Variants in CPN1 observed in about 807,000 individuals in gnomAD.
CPN1 encodes carboxypeptidase N subunit 1.
Under a neutral mutation model 46.4 loss-of-function variants are expected in CPN1, and 37 were observed. The observed-to-expected ratio is 0.80, with a 90% CI of 0.61 to 1.05. CPN1 has a LOEUF of 1.05. CPN1 is among the 50% of genes least tolerant of loss of function. CPN1 has a pLI of 0.00. For synonymous variants in CPN1, 224 were observed against 235.4 expected (o/e 0.95, Z 0.44); for missense variants, 563 against 602.6 (o/e 0.93, Z 0.69).
At chr10:100,067,634 T>C (rs1278891420) in intron 3 of CPN1, among the ~76,000 whole-genome samples, 10 of 152,216 alleles carry the variant, frequency 6.6e-5, no homozygotes, top group Admixed American at 6.5e-4. Context: ...TTTCAAACTA[T>C]CCCACACAGC....
intron 3 of CPN1, among the ~76,000 whole-genome samples, chr10:100,067,769 G>T (rs2041462426): frequency 6.6e-6 from 1 of 152,162 alleles, no homozygotes; most frequent in Non-Finnish European, 1.5e-5. Flanking sequence ...GGAGAGTGAG[G>T]CCTAGGAATA....
chr10:100,053,639 A>G (rs1302703129), intron 7 of CPN1, among the ~76,000 whole-genome samples: 1 of 152,106 alleles, frequency 6.6e-6, no homozygotes, highest in African/African-American at 2.4e-5. Flanking sequence ...AAGAAAAAGA[A>G]AAAAAGGTGG....
chr10:100,077,617 C>A (rs117295334), intron 1 of CPN1, among the ~76,000 whole-genome samples: 4,734 of 152,184 alleles, frequency 0.031, 120 homozygotes, highest in Non-Finnish European at 0.047. Flanking sequence ...GTGACACCAT[C>A]CATTATTATT....
chr10:100,078,231 T>A (rs182866107), intron 1 of CPN1, among the ~76,000 whole-genome samples: 92 of 151,970 alleles, frequency 6.1e-4, no homozygotes, highest in African/African-American at 2.1e-3. Flanking sequence ...AAAAAAAAAA[T>A]TTATTACAGA....
intron 7 of CPN1, among the ~76,000 whole-genome samples, chr10:100,052,317 C>G (rs536351182): frequency 1.3e-5 from 2 of 152,058 alleles, no homozygotes; most frequent in Non-Finnish European, 2.9e-5. Context: ...GCAATCCCCC[C>G]ACCTCGGCCT....
intron 8 of CPN1, among the ~76,000 whole-genome samples, chr10:100,045,514 C>T (rs914189814): frequency 6.6e-6 from 1 of 152,174 alleles, no homozygotes; most frequent in African/African-American, 2.4e-5. Context: ...TCTCAAAGGA[C>T]TTAAAGCATA....
At chr10:100,048,585 G>C (rs2041328825) in intron 8 of CPN1, among the ~76,000 whole-genome samples, 173 bp downstream of exon 8, 1 of 152,158 alleles carries the variant, frequency 6.6e-6, no homozygotes, top group South Asian at 2.1e-4. Context: ...CTCACTCCCA[G>C]CTACTCGGGA....
At chr10:100,059,644 G>A (rs910625691) in intron 5 of CPN1, among the ~76,000 whole-genome samples, 12 of 148,460 alleles carry the variant, frequency 8.1e-5, no homozygotes, top group Non-Finnish European at 1.3e-4. Context: ...TGAAACTCCC[G>A]TGCACAGGTG....
Position 100,081,499 on chromosome 10 carries a change from G to A in CPN1, c.127C>T (p.Pro43Ser), listed in dbSNP as rs748205584. The A allele has an allele frequency of 3.7e-6, 6 of 1,614,010 alleles. No individual in the cohort carries two copies. The highest frequency in any genetic ancestry group is 2.2e-5 in the South Asian group (2 of 91,086). Reference protein sequence around the residue: ...RTLYKVQNECPGITRVYSIGR... With the variant: ...RTLYKVQNECSGITRVYSIGR... ...ATGCTGTAGACCCGCGTGATGCCGG[G>A]GCATTCGTTTTGCACCTTGTACAGC... The change falls in exon 1 of 9, where the codon CCC becomes TCC. Residue 43 changes from proline to serine, a missense_variant. Pro to Ser is a moderately conservative substitution (Grantham distance 74). Coordinates refer to ENST00000370418, the MANE Select transcript of CPN1 (RefSeq NM_001308.3).
At chr10:100,070,015 TG>T (rs2041475646) in intron 2 of CPN1, 146 bp from the exon 3 acceptor site, 1 of 871,622 alleles carries the variant, frequency 1.1e-6, no homozygotes, top group South Asian at 1.5e-5. Flanking sequence ...CTCTACCTAC[TG>T]GGCTCAAGCA....
At chr10:100,048,735 C>T (rs1157432364) in intron 8 of CPN1, 23 bp downstream of exon 8, 3 of 1,501,436 alleles carry the variant, frequency 2.0e-6, no homozygotes, top group South Asian at 2.3e-5. Flanking sequence ...CTACAGTGCA[C>T]CGTCAAGCTC....
intron 8 of CPN1, among the ~76,000 whole-genome samples, chr10:100,045,575 G>T (rs774168849): frequency 6.2e-4 from 95 of 152,330 alleles, no homozygotes; most frequent in Admixed American, 1.8e-3. Flanking sequence ...AACACAGGTT[G>T]TACACTTAGT....
chr10:100,062,029 T>G (rs2041421796), intron 5 of CPN1, among the ~76,000 whole-genome samples: 1 of 152,038 alleles, frequency 6.6e-6, no homozygotes, highest in Admixed American at 6.6e-5. Context: ...AAGCGAGTTT[T>G]TGTCCCCAGT....
intron 4 of CPN1, among the ~76,000 whole-genome samples, chr10:100,064,006 C>T (rs2041437633): frequency 6.6e-6 from 1 of 152,022 alleles, no homozygotes; most frequent in African/African-American, 2.4e-5. Context: ...GATCTGTATT[C>T]TGATTTTGTC....
chr10:100,074,478 C>T lies in CPN1; in HGVS notation c.420+1433G>A, dbSNP rs186672421. On this transcript the variant is annotated intron_variant, in intron 2 of 8. Coordinates refer to ENST00000370418, the MANE Select transcript of CPN1 (RefSeq NM_001308.3). ...ATGTGGGCAGGACTGTGCAATGGCACGATCTCGGCTCACCACAGCCTCCGC... is the reference window on the plus strand; with the variant it reads ...ATGTGGGCAGGACTGTGCAATGGCATGATCTCGGCTCACCACAGCCTCCGC... 3.9e-3 allele frequency among the ~76,000 whole-genome samples: 601 copies of T among 152,290 alleles called. 3 individuals are homozygous for T. The highest frequency in any genetic ancestry group is 7.0e-3 in the Admixed American group (107 of 15,284).
chr10:100,080,085 CAA>C (rs34214082), intron 1 of CPN1, among the ~76,000 whole-genome samples: 10 of 124,690 alleles, frequency 8.0e-5, no homozygotes, highest in Non-Finnish European at 1.2e-4. Flanking sequence ...GACTCCATCT[CAA>C]AAAAAAAAAA....
intron 5 of CPN1, 100 bp from the exon 6 acceptor site, chr10:100,057,252 T>A (rs1402824944): frequency 7.3e-7 from 1 of 1,369,800 alleles, no homozygotes; most frequent in African/African-American, 1.5e-5. Context: ...CTGTTTTTAT[T>A]TATTTGGGAA....
At chr10:100,048,938 G>C in intron 7 of CPN1, 62 bp from the exon 8 acceptor site, 1 of 1,278,138 alleles carries the variant, frequency 7.8e-7, no homozygotes, top group South Asian at 1.2e-5. Flanking sequence ...ATAAGCTAGG[G>C]TTTTTATCTG....
chr10:100,067,877 G>A (rs981582512), intron 3 of CPN1, among the ~76,000 whole-genome samples: 1 of 152,110 alleles, frequency 6.6e-6, no homozygotes, highest in Non-Finnish European at 1.5e-5. Context: ...AAAGGGGCCA[G>A]GTGTGGTGGC....
Sources: gnomAD v4.1 joint callset for allele counts (sites outside exome capture counted in the v4.1 genomes callset) on GRCh38, gnomAD v4.1.1 for gene constraint, MANE v1.5 for transcripts, NCBI Gene and HGNC (gene_info 2026-07-23, HGNC 2026-07-21) for gene names.